The following MROH9 variants were observed in gnomAD, a reference collection of about 807,000 sequenced individuals.
MROH9 encodes the protein maestro heat like repeat family member 9.
MROH9 carries 92 observed loss-of-function variants against 98.2 expected under a neutral mutation model. That is an observed-to-expected ratio of 0.94 (90% CI 0.79 to 1.11). MROH9 has a LOEUF of 1.11. Among genes scored for constraint, MROH9 ranks in the 50% most tolerant of loss-of-function variants. The pLI is 0.00. For synonymous variants in MROH9, 397 were observed against 368.9 expected (o/e 1.08, Z -0.87); for missense variants, 1,057 against 1,014.8 (o/e 1.04, Z -0.57).
chr1:170,950,376 C>T (rs965664880), intron 3 of MROH9, among the ~76,000 whole-genome samples: 2 of 152,020 alleles, frequency 1.3e-5, no homozygotes, highest in African/African-American at 4.8e-5. Context: ...AGGAGACAGC[C>T]ATCTATCAGG....
chr1:170,985,745 G>A (rs1651107241), intron 9 of MROH9, among the ~76,000 whole-genome samples: 1 of 149,290 alleles, frequency 6.7e-6, no homozygotes, highest in Admixed American at 6.7e-5. Context: ...CCAAGCCTTG[G>A]TTACCCCCCT....
At chr1:171,058,346 CAA>C (rs34725160) in intron 20 of MROH9, among the ~76,000 whole-genome samples, 52 of 67,044 alleles carry the variant, frequency 7.8e-4, no homozygotes, top group Admixed American at 1.0e-3. Context: ...AGAGAGGATG[CAA>C]AAAAAAAAAA....
intron 14 of MROH9, among the ~76,000 whole-genome samples, chr1:170,997,767 A>C (rs1185185936): frequency 6.6e-6 from 1 of 152,120 alleles, no homozygotes; most frequent in East Asian, 1.9e-4. Context: ...TCGGCGTTAC[A>C]TCATTCAAAG....
At chr1:170,937,922 G>T (rs151263202) in intron 1 of MROH9, among the ~76,000 whole-genome samples, 236 of 152,268 alleles carry the variant, frequency 1.5e-3, no homozygotes, top group African/African-American at 5.4e-3. Flanking sequence ...ACCTGCTAAA[G>T]TGATCCATAA....
Position 170,952,753 on chromosome 1 carries a change from A to AT in MROH9, c.72+5180_72+5181insT, listed in dbSNP as rs1424309665. Reference sequence around the variant, plus strand: ...ACCCCAGAACTTAAAGTATAATAAAAAATATATATATATATATTAAAAAAA... The same window carrying AT: ...ACCCCAGAACTTAAAGTATAATAAAATAATATATATATATATATTAAAAAAA... On this transcript the variant is annotated intron_variant, in intron 3 of 21. Coordinates refer to ENST00000367759, the MANE Select transcript of MROH9 (RefSeq NM_001163629.2). 2.3e-3 allele frequency among the ~76,000 whole-genome samples: 344 copies of AT among 148,910 alleles called. 1 individual carries two copies. Among genetic ancestry groups the AT allele is most frequent in the Non-Finnish European group, 1.2e-3 (82 of 66,844 alleles).
chr1:170,992,248 A>T lies in MROH9; in HGVS notation c.1113A>T (p.Lys371Asn). ...HVLKTILLILKGKPGEMEDTV... is the reference protein window; with the variant it reads ...HVLKTILLILNGKPGEMEDTV... ...TGAAGACAATCTTATTGATACTGAA[A>T]GGAAAGCCTGGGGAAATGGAGGACA... The change falls in exon 12 of 22, where the codon AAA becomes AAT. Residue 371 changes from lysine to asparagine, a missense_variant. Lys to Asn is a moderately conservative substitution (Grantham distance 94). Coordinates refer to ENST00000367759, the MANE Select transcript of MROH9 (RefSeq NM_001163629.2). The T allele has an allele frequency of 1.9e-6, 3 of 1,613,622 alleles. No homozygotes were observed. Among genetic ancestry groups the T allele is most frequent in the Non-Finnish European group, 2.5e-6 (3 of 1,179,698 alleles).
chr1:171,005,560 A>T (rs529212811), intron 15 of MROH9, among the ~76,000 whole-genome samples: 40 of 152,216 alleles, frequency 2.6e-4, no homozygotes, highest in African/African-American at 6.5e-4. Context: ...TTGTTTTCTT[A>T]ATCTTTTTCA....
chr1:170,998,820 T>C, intron 15 of MROH9: 2 of 881,406 alleles, frequency 2.3e-6, no homozygotes, highest in Non-Finnish European at 2.7e-6. Flanking sequence ...TCAAATCTAA[T>C]TTTTTCATTA....
chr1:170,989,954 C>T lies in MROH9; in HGVS notation c.979C>T (p.Pro327Ser), dbSNP rs905949585. The T allele has an allele frequency of 1.2e-6, 2 of 1,613,110 alleles. No homozygotes were observed. Among genetic ancestry groups the T allele is most frequent in the Non-Finnish European group, 1.7e-6 (2 of 1,179,450 alleles). The change falls in exon 11 of 22, where the codon CCC (proline) becomes TCC (serine). Residue 327 changes from proline (P) to serine (S), a missense_variant. Pro to Ser is a moderately conservative substitution (Grantham distance 74, BLOSUM62 -1). Coordinates refer to ENST00000367759, the MANE Select transcript of MROH9 (RefSeq NM_001163629.2). ...QVITLLTCTS[P>S]KKVIFQLMDY... ...TATCACTTTGTTGACATGCACTTCA[C>T]CCAAGAAGGTCATCTTTCAACTTAT...
At chr1:170,940,650 T>G (rs1175471545) in intron 1 of MROH9, among the ~76,000 whole-genome samples, 2 of 152,222 alleles carry the variant, frequency 1.3e-5, no homozygotes, top group Admixed American at 1.3e-4. Flanking sequence ...AGCAACTGCA[T>G]TTAGAGTTAC....
In MROH9 at chr1:171,064,182, C is replaced by T; in HGVS notation, c.2428C>T (p.His810Tyr). 2 of 1,551,344 alleles carry T rather than the reference C, an allele frequency of 1.3e-6. No homozygotes were observed. Among genetic ancestry groups the T allele is most frequent in the Middle Eastern group, 1.7e-4 (1 of 5,992 alleles). Residue 810 changes from histidine (H) to tyrosine (Y), a missense_variant, in exon 22 of 22, where the codon CAT (histidine) becomes TAT (tyrosine). His to Tyr is a moderately conservative substitution (Grantham distance 83). Coordinates refer to ENST00000367759, the MANE Select transcript of MROH9 (RefSeq NM_001163629.2). ...CTATGATATTTTTAAGAAAAAAGCC[C>T]ATAAACTGACCTCTGCACCTCTTAA... ...ITYDIFKKKA[H>Y]KLTSAPLKQN...
Position 171,012,997 on chromosome 1 carries a change from G to A in MROH9, c.1597-1120G>A, listed in dbSNP as rs536053963. On this transcript the variant is annotated intron_variant, in intron 15 of 21. Transcript: ENST00000367759. Reference sequence around the variant, plus strand: ...AAGCCTCCCTGCTGTCCAGTCTTCTGTTCCCTCTCCCCTCCTCTCTCTCAT... The same window carrying A: ...AAGCCTCCCTGCTGTCCAGTCTTCTATTCCCTCTCCCCTCCTCTCTCTCAT... Among the ~76,000 whole-genome samples, 5 of 152,074 alleles carry A rather than the reference G, an allele frequency of 3.3e-5. No homozygotes were observed. The East Asian group carries it at 7.8e-4, about 24-fold the overall frequency.
intron 12 of MROH9, among the ~76,000 whole-genome samples, chr1:170,993,446 T>C (rs1404387928): frequency 6.6e-6 from 1 of 152,178 alleles, no homozygotes; most frequent in Non-Finnish European, 1.5e-5. Context: ...TTGAAATTAA[T>C]TGTGTGTACA....
intron 20 of MROH9, 87 bp downstream of exon 20, chr1:171,025,507 T>A (rs1652678681): frequency 3.5e-6 from 3 of 866,612 alleles, no homozygotes; most frequent in Non-Finnish European, 3.6e-6. Flanking sequence ...ACATTTTTTT[T>A]AATGTCTCTG....
chr1:170,998,446 G>T (rs772798514), intron 15 of MROH9, 172 bp downstream of exon 15: 1 of 1,565,040 alleles, frequency 6.4e-7, no homozygotes, highest in Non-Finnish European at 8.6e-7. Flanking sequence ...TTAGATCTGG[G>T]TTATGGAAGA....
At chr1:170,980,920 CA>C (rs1206927225) in intron 8 of MROH9, among the ~76,000 whole-genome samples, 1 of 151,966 alleles carries the variant, frequency 6.6e-6, no homozygotes, top group East Asian at 1.9e-4. Flanking sequence ...AAAAAATTTA[CA>C]AGAAAAAAAC....
intron 1 of MROH9, among the ~76,000 whole-genome samples, chr1:170,940,886 C>T (rs1649094096): frequency 1.3e-5 from 2 of 152,280 alleles, no homozygotes; most frequent in African/African-American, 2.4e-5. Context: ...CTTGGCTTTT[C>T]TCGCCATAAT....
At chr1:170,939,793 A>G (rs1649048566) in intron 1 of MROH9, among the ~76,000 whole-genome samples, 1 of 152,128 alleles carries the variant, frequency 6.6e-6, no homozygotes, top group Admixed American at 6.5e-5. Context: ...TTCAGTCTCT[A>G]CTAAGGCCTA....
At chr1:170,958,423 A>G in intron 3 of MROH9, 38 bp from the exon 4 acceptor site, 1 of 1,163,242 alleles carries the variant, frequency 8.6e-7, no homozygotes, top group South Asian at 1.5e-5. Flanking sequence ...GTAATCATTA[A>G]TTCTTCTTTT....
Sources: gnomAD v4.1 joint callset for allele counts (sites outside exome capture counted in the v4.1 genomes callset) on GRCh38, gnomAD v4.1.1 for gene constraint, MANE v1.5 for transcripts, NCBI Gene and HGNC (gene_info 2026-07-23, HGNC 2026-07-21) for gene names.